POT1: variants seen among roughly 807,000 people sequenced by gnomAD.
POT1 encodes the protein protection of telomeres 1.
A neutral mutation model predicts 78.5 loss-of-function variants in POT1; 47 were observed. The ratio of observed to expected loss-of-function variants is 0.60; its 90% CI spans 0.47 to 0.76. The LOEUF (loss-of-function observed/expected upper bound fraction) is 0.76, where lower values mean the gene tolerates loss of function less well. Ranked by LOEUF, POT1 falls within the 30% of genes least tolerant of loss-of-function variation. The probability of loss-of-function intolerance (pLI) is 0.00; values close to 1 mark genes in which losing one functional copy is unlikely to be tolerated. For missense variants in POT1, 646 were observed against 749.9 expected (o/e 0.86, Z 1.62); for synonymous variants, 259 against 260.7 (o/e 0.99, Z 0.06).
Position 124,842,813 on chromosome 7 carries a change from T to A in POT1, c.1157A>T (p.His386Leu). The A allele has an allele frequency of 6.3e-7, 1 of 1,596,454 alleles. No homozygotes were observed. Among genetic ancestry groups the A allele is most frequent in the Non-Finnish European group, 8.5e-7 (1 of 1,175,502 alleles). The change falls in exon 13 of 19, where the codon CAT becomes CTT. Residue 386 changes from histidine to leucine, a missense_variant. Transcript: ENST00000357628. ...TATTATGGAAAATACTCACAGCAAA[T>A]GACATTTAGGGCAATGAAGTTTAAC... Reference protein sequence around the residue: ...QSVKLHCPKCHLLQEVPHEGD... With the variant: ...QSVKLHCPKCLLLQEVPHEGD...
intron 6 of POT1, among the ~76,000 whole-genome samples, chr7:124,877,313 A>T (rs780421500): frequency 6.6e-6 from 1 of 152,204 alleles, no homozygotes; most frequent in African/African-American, 2.4e-5. Flanking sequence ...ATAAAGACAG[A>T]TGAAGAACAT....
At chr7:124,907,286 C>T (rs898890553) in intron 3 of POT1, among the ~76,000 whole-genome samples, 2 of 152,066 alleles carry the variant, frequency 1.3e-5, no homozygotes, top group African/African-American at 2.4e-5. Context: ...AAAGAGTGAG[C>T]TCCCTTGTCA....
intron 3 of POT1, among the ~76,000 whole-genome samples, chr7:124,911,567 C>T (rs974972105): frequency 6.6e-6 from 1 of 152,142 alleles, no homozygotes; most frequent in Non-Finnish European, 1.5e-5. Context: ...AAATGCATTA[C>T]TTCCCTAAAT....
At chr7:124,856,022 A>G (rs981302528) in intron 9 of POT1, among the ~76,000 whole-genome samples, 5 of 152,158 alleles carry the variant, frequency 3.3e-5, no homozygotes, top group African/African-American at 1.2e-4. Flanking sequence ...AGTGAGATTC[A>G]GAAAATAGTT....
At chr7:124,906,029 C>T (rs1796757310) in intron 3 of POT1, among the ~76,000 whole-genome samples, 2 of 152,186 alleles carry the variant, frequency 1.3e-5, no homozygotes, top group Non-Finnish European at 2.9e-5. Context: ...AACACTTTTA[C>T]ACTGTTGGTG....
At chr7:124,918,463 G>A (rs1368678551) in intron 2 of POT1, among the ~76,000 whole-genome samples, 2 of 152,172 alleles carry the variant, frequency 1.3e-5, no homozygotes, top group Non-Finnish European at 1.5e-5. Context: ...TTGCACCTAG[G>A]AGTAGTAATA....
At chr7:124,908,791 T>C (rs541284284) in intron 3 of POT1, among the ~76,000 whole-genome samples, 1 of 151,932 alleles carries the variant, frequency 6.6e-6, no homozygotes, top group African/African-American at 2.4e-5. Context: ...AAATAAATAA[T>C]CAAAGATATT....
intron 4 of POT1, 118 bp downstream of exon 4, chr7:124,898,143 T>C (rs1796538275): frequency 6.6e-6 from 1 of 151,946 alleles, no homozygotes; most frequent in South Asian, 2.1e-4. Flanking sequence ...AATATTCAAT[T>C]AAAATAATTT....
intron 8 of POT1, among the ~76,000 whole-genome samples, chr7:124,860,420 T>C (rs950377383): frequency 2.6e-5 from 4 of 152,206 alleles, no homozygotes; most frequent in Non-Finnish European, 4.4e-5. Flanking sequence ...TATTTGTTTT[T>C]TTCTAATTTT....
At chr7:124,929,082 T>C (rs1452200067) in intron 1 of POT1, 83 bp from the exon 2 acceptor site, 1 of 152,382 alleles carries the variant, frequency 6.6e-6, no homozygotes, top group Non-Finnish European at 1.5e-5. Flanking sequence ...TGCTTTTCCT[T>C]ATTATAGTTA....
chr7:124,871,993 G>T (rs968646262), intron 6 of POT1, among the ~76,000 whole-genome samples: 2 of 151,914 alleles, frequency 1.3e-5, no homozygotes, highest in Admixed American at 1.3e-4. Flanking sequence ...CTGAAATATT[G>T]TATCAGTTGA....
chr7:124,874,709 T>C (rs1795947807), intron 6 of POT1, among the ~76,000 whole-genome samples: 1 of 148,874 alleles, frequency 6.7e-6, no homozygotes, highest in South Asian at 2.1e-4. Context: ...CACTCCAGTC[T>C]GGATGATAGC....
chr7:124,846,806 G>C (rs1052727931), intron 12 of POT1, 136 bp downstream of exon 12: 32 of 575,604 alleles, frequency 5.6e-5, no homozygotes, highest in Non-Finnish European at 8.9e-5. Context: ...GAAGAAGAAA[G>C]TTAAATATGG....
At chr7:124,871,121 C>T (rs1212087877) in intron 6 of POT1, 80 bp from the exon 7 acceptor site, 2 of 1,208,752 alleles carry the variant, frequency 1.7e-6, no homozygotes, top group Non-Finnish European at 2.3e-6. Flanking sequence ...TACTTCAAAA[C>T]ACCAAACCTT....
chr7:124,849,800 A>G (rs1331283938), intron 11 of POT1, among the ~76,000 whole-genome samples: 1 of 152,176 alleles, frequency 6.6e-6, no homozygotes, highest in Admixed American at 6.5e-5. Flanking sequence ...GAATTAGCCC[A>G]GAAAAAAAGA....
chr7:124,871,062 T>A (rs760316402), intron 6 of POT1, 21 bp from the exon 7 acceptor site: 3 of 1,547,610 alleles, frequency 1.9e-6, no homozygotes, highest in South Asian at 1.2e-5. Context: ...CAAAAATATT[T>A]TACCTGACTT....
Position 124,835,276 on chromosome 7 carries a change from T to C in POT1, c.1505+3A>G, listed in dbSNP as rs1227070716. On this transcript the variant is annotated splice_donor_region_variant and intron_variant, in intron 15 of 18. Coordinates refer to ENST00000357628, the MANE Select transcript of POT1 (RefSeq NM_015450.3). ...CAAAACAAAACAAAACAAAACAAAA[T>C]ACCCATAGTGATGTATTGTTCCTTG... 8 of 1,503,702 alleles carry C rather than the reference T, an allele frequency of 5.3e-6. No individual in the cohort carries two copies. Among genetic ancestry groups the C allele is most frequent in the African/African-American group, 1.4e-5 (1 of 71,238 alleles). 93.1% of individuals were successfully genotyped at this position (1,503,702 alleles called of 1,614,324 possible). A position where few individuals can be genotyped will look rare whatever the true frequency, so the allele number is the denominator to read the frequency against.
At chr7:124,874,607 C>T (rs546269475) in intron 6 of POT1, among the ~76,000 whole-genome samples, 2 of 151,760 alleles carry the variant, frequency 1.3e-5, no homozygotes, top group Non-Finnish European at 2.9e-5. Context: ...TAGTGGTGCT[C>T]TCCTGTAATC....
intron 6 of POT1, among the ~76,000 whole-genome samples, chr7:124,887,683 T>C (rs1203169121): frequency 1.3e-5 from 2 of 152,096 alleles, no homozygotes; most frequent in Non-Finnish European, 2.9e-5. Context: ...GAAATACGGC[T>C]CTATCTTAAA....
Sources: gnomAD v4.1 joint callset for allele counts (sites outside exome capture counted in the v4.1 genomes callset) on GRCh38, gnomAD v4.1.1 for gene constraint, MANE v1.5 for transcripts, NCBI Gene and HGNC (gene_info 2026-07-23, HGNC 2026-07-21) for gene names.